The following CD5 variants were observed in gnomAD, a reference collection of about 807,000 sequenced individuals.
The protein encoded by CD5 is CD5 molecule.
Under a neutral mutation model 60.3 loss-of-function variants are expected in CD5, and 36 were observed. The ratio of observed to expected loss-of-function variants is 0.60; its 90% CI spans 0.46 to 0.79. The LOEUF (loss-of-function observed/expected upper bound fraction) is 0.79, where lower values mean the gene tolerates loss of function less well. CD5 is among the 30% of genes least tolerant of loss of function. The pLI is 0.00. For synonymous variants in CD5, 230 were observed against 257.6 expected (o/e 0.89, Z 1.03); for missense variants, 540 against 630.6 (o/e 0.86, Z 1.54).
chr11:61,109,558 G>A (rs1045278705), intron 1 of CD5, among the ~76,000 whole-genome samples: 2 of 151,854 alleles, frequency 1.3e-5, no homozygotes, highest in Non-Finnish European at 2.9e-5. Context: ...TTTAAACACT[G>A]TGCAGAGCAA....
At chr11:61,123,776 C>A in intron 7 of CD5, 108 bp from the exon 8 acceptor site, 1 of 858,006 alleles carries the variant, frequency 1.2e-6, no homozygotes, top group Non-Finnish European at 1.9e-6. Context: ...CTCAGCTGCA[C>A]CTGCCGCCAC....
In CD5 at chr11:61,114,289, T is replaced by TC. The variant is rs76170574; in HGVS notation, c.56-765dup. 7.2e-5 allele frequency among the ~76,000 whole-genome samples: 11 copies of TC among 152,132 alleles called. No homozygotes were observed. The East Asian group carries it at 2.1e-3, about 29-fold the overall frequency. ...ACCGTGCACGGCCTCTCTATTCTACTCCATTTCATTTTTAAAAAAATTGAT... is the reference window on the plus strand; with the variant it reads ...ACCGTGCACGGCCTCTCTATTCTACTCCCATTTCATTTTTAAAAAAATTGAT... On this transcript the variant is annotated intron_variant, in intron 1 of 10. Coordinates refer to ENST00000347785, the MANE Select transcript of CD5 (RefSeq NM_014207.4).
rs1861166919 is a variant in CD5 at position 61,127,491 on chromosome 11, G to A, written c.*1206G>A. Reference sequence around the variant, plus strand: ...AAGGGAGTTACTAGGATATGGGGTGGGCTGCTCCCAGAATCTGCTCAGCTT... The same window carrying A: ...AAGGGAGTTACTAGGATATGGGGTGAGCTGCTCCCAGAATCTGCTCAGCTT... On this transcript the variant is annotated 3_prime_UTR_variant, in exon 11 of 11. Coordinates refer to ENST00000347785, the MANE Select transcript of CD5 (RefSeq NM_014207.4). 6.6e-6 allele frequency: 1 copy of A among 152,276 alleles called. No homozygotes were observed. Among genetic ancestry groups the A allele is most frequent in the Non-Finnish European group, 1.5e-5 (1 of 68,092 alleles). 9.4% of individuals were successfully genotyped at this position (152,276 alleles called of 1,614,324 possible). A position where few individuals can be genotyped will look rare whatever the true frequency, so the allele number is the denominator to read the frequency against.
upstream of CD5, among the ~76,000 whole-genome samples, chr11:61,098,866 G>A (rs551117055): frequency 1.3e-5 from 2 of 152,288 alleles, no homozygotes; most frequent in South Asian, 4.1e-4. Flanking sequence ...CTAAGTGGAG[G>A]CATCACTGAG....
chr11:61,100,318 C>A (rs1442929153), upstream of CD5, among the ~76,000 whole-genome samples: 1 of 140,170 alleles, frequency 7.1e-6, no homozygotes. Flanking sequence ...ATCACACACA[C>A]ACGACATGGA....
chr11:61,101,006 C>T (rs1278931614), upstream of CD5, among the ~76,000 whole-genome samples: 1 of 131,310 alleles, frequency 7.6e-6, no homozygotes, highest in Non-Finnish European at 1.6e-5. Flanking sequence ...CACACACACA[C>T]ATCAACATGG....
Position 61,119,339 on chromosome 11 carries a change from A to G in CD5, c.569A>G (p.Gln190Arg). 6.2e-7 allele frequency: 1 copy of G among 1,614,110 alleles called. No individual in the cohort carries two copies. Among genetic ancestry groups the G allele is most frequent in the Non-Finnish European group, 8.5e-7 (1 of 1,180,022 alleles). The change falls in exon 5 of 11, where the codon CAG becomes CGG. Residue 190 changes from glutamine (Q) to arginine (R), a missense_variant. By Grantham distance (43) the Gln-to-Arg change is conservative (BLOSUM62 1). Transcript: ENST00000347785. The part of the protein sequence containing the change: ...SLGGTISYEA[Q>R]DKTQDLENFL... ...GGGGGTACCATCAGCTATGAGGCCC[A>G]GGACAAGACCCAGGACCTGGAGAAC...
chr11:61,103,994 CGTGTGAGTCTGT>C (rs1314113346), intron 1 of CD5, among the ~76,000 whole-genome samples: 3 of 88,612 alleles, frequency 3.4e-5, no homozygotes, highest in East Asian at 3.4e-4. Flanking sequence ...TGAGTCTGTG[CGTGTGAGTCTGT>C]GTGTGAGTCT....
At chr11:61,125,926 C>G (rs1301449193) in intron 10 of CD5, 85 bp downstream of exon 10, 1 of 748,122 alleles carries the variant, frequency 1.3e-6, no homozygotes, top group African/African-American at 1.8e-5. Flanking sequence ...TGCCTCCCCT[C>G]AGTCCCACCC....
intron 1 of CD5, among the ~76,000 whole-genome samples, chr11:61,107,848 G>A (rs1352912980): frequency 6.6e-6 from 1 of 152,170 alleles, no homozygotes; most frequent in Non-Finnish European, 1.5e-5. Context: ...CTGCAGAGAC[G>A]ACAAGGGTCC....
rs1565185552 is a variant in CD5 at position 61,118,049 on chromosome 11, G to A, written c.95-126G>A. ...GCCCCAGAAGGGACGAAGCTCACAA[G>A]GGGCAAGGCAGGCAGCCCACGGGGC... On this transcript the variant is annotated intron_variant, in intron 2 of 10. Transcript: ENST00000347785. This position sits in a 1 kb window ranked among gnomAD's most constrained non-coding sequence, Gnocchi z 4.7. 3.1e-6 allele frequency: 3 copies of A among 977,570 alleles called. No homozygotes were observed. The highest frequency in any genetic ancestry group is 1.5e-5 in the South Asian group (1 of 64,624). The allele number at this position is 977,570 out of a possible 1,614,324, so 60.6% of individuals were successfully genotyped here. A position where few individuals can be genotyped will look rare whatever the true frequency, so the allele number is the denominator to read the frequency against.
chr11:61,095,058 C>A, the CD5 span, among the ~76,000 whole-genome samples: 2 of 152,138 alleles, frequency 1.3e-5, no homozygotes, highest in African/African-American at 4.8e-5. Context: ...TTCTCGATCC[C>A]ACCCGCCGAG....
At position 61,127,414 on chromosome 11, in the gene CD5, T is replaced by C. The variant is rs1488378589; in HGVS notation, c.*1129T>C. Reference sequence around the variant, plus strand: ...CCACGCCATTTGATGCTGTATCTCCTGGGAGCACAGGCATCAATGGTCCAA... The same window carrying C: ...CCACGCCATTTGATGCTGTATCTCCCGGGAGCACAGGCATCAATGGTCCAA... On this transcript the variant is annotated 3_prime_UTR_variant, in exon 11 of 11. Coordinates refer to ENST00000347785, the MANE Select transcript of CD5 (RefSeq NM_014207.4). 6.6e-6 allele frequency: 1 copy of C among 152,194 alleles called. No homozygotes were observed. Among genetic ancestry groups the C allele is most frequent in the Admixed American group, 6.5e-5 (1 of 15,276 alleles). 9.4% of individuals were successfully genotyped at this position (152,194 alleles called of 1,614,324 possible). A position where few individuals can be genotyped will look rare whatever the true frequency, so the allele number is the denominator to read the frequency against.
intron 2 of CD5, among the ~76,000 whole-genome samples, chr11:61,117,542 G>A (rs1430331225): frequency 1.3e-5 from 2 of 151,898 alleles, no homozygotes; most frequent in Non-Finnish European, 1.5e-5. Flanking sequence ...AGGCTGGAGT[G>A]CAGTGGCGCG....
At chr11:61,096,262 G>A in the CD5 span, among the ~76,000 whole-genome samples, 1 of 152,246 alleles carries the variant, frequency 6.6e-6, no homozygotes, top group South Asian at 2.1e-4. Context: ...GAAAAGCAAG[G>A]TGATTCAGAA....
At chr11:61,113,318 A>G (rs1378832666) in intron 1 of CD5, among the ~76,000 whole-genome samples, 1 of 152,198 alleles carries the variant, frequency 6.6e-6, no homozygotes, top group Non-Finnish European at 1.5e-5. Flanking sequence ...CACCCAAATT[A>G]AACCTCTTCC....
At chr11:61,114,954 G>A in intron 1 of CD5, 102 bp from the exon 2 acceptor site, 1 of 1,067,062 alleles carries the variant, frequency 9.4e-7, no homozygotes. Flanking sequence ...GTGGATAGGG[G>A]GAGGCAGAAA....
At chr11:61,121,509 C>G in intron 5 of CD5, 102 bp from the exon 6 acceptor site, 1 of 1,047,808 alleles carries the variant, frequency 9.5e-7, no homozygotes, top group Non-Finnish European at 1.3e-6. Flanking sequence ...GTGCCTTCCC[C>G]TAGCCAGGGC....
chr11:61,116,750 ACACACACAC>A (rs1377760471), intron 2 of CD5, among the ~76,000 whole-genome samples: 3 of 119,632 alleles, frequency 2.5e-5, no homozygotes, highest in South Asian at 2.9e-4. Flanking sequence ...CACATACACC[ACACACACAC>A]CACACACACC....
Sources: gnomAD v4.1 joint callset for allele counts (sites outside exome capture counted in the v4.1 genomes callset) on GRCh38, gnomAD v4.1.1 for gene constraint, Gnocchi (gnomAD v3.1) non-coding constraint, MANE v1.5 for transcripts, NCBI Gene and HGNC (gene_info 2026-07-23, HGNC 2026-07-21) for gene names.